LRRC51: variants seen among roughly 807,000 people sequenced by gnomAD.
The protein encoded by LRRC51 is leucine rich repeat containing 51.
In LRRC51, 8 loss-of-function variants were observed where a neutral mutation model predicts 17.8. That is an observed-to-expected ratio of 0.45 (90% CI 0.26 to 0.81). LRRC51 has a LOEUF of 0.81. LRRC51 is among the 30% of genes least tolerant of loss of function. The probability of loss-of-function intolerance (pLI) is 0.17; values close to 1 mark genes in which losing one functional copy is unlikely to be tolerated. For missense variants in LRRC51, 233 were observed against 239.3 expected (o/e 0.97, Z 0.17); for synonymous variants, 92 against 96.0 (o/e 0.96, Z 0.24).
chr11:72,089,244 T>C, intron 3 of LRRC51, 79 bp downstream of exon 3: 1 of 1,604,294 alleles, frequency 6.2e-7, no homozygotes, highest in Non-Finnish European at 8.5e-7. Flanking sequence ...CATAATCTAC[T>C]TAAAAGCCTA....
intron 3 of LRRC51, 139 bp downstream of exon 3, chr11:72,089,304 G>T: frequency 6.6e-7 from 1 of 1,520,078 alleles, no homozygotes; most frequent in East Asian, 2.4e-5. Flanking sequence ...GTCTTTTGGA[G>T]GGTAGGGGAG....
rs1020098865 is a variant in LRRC51 at position 72,093,580 on chromosome 11, T to G, written c.167T>G (p.Leu56Arg). 6.2e-7 allele frequency: 1 copy of G among 1,614,242 alleles called. No homozygotes were observed. The highest frequency in any genetic ancestry group is 8.5e-7 in the Non-Finnish European group (1 of 1,180,044). Residue 56 changes from leucine to arginine, a missense_variant, in exon 4 of 6, where the codon CTG becomes CGG. Transcript: ENST00000289488. Reference protein sequence around the residue: ...SGKSLTQSLWLNNNVLNDLRD... With the variant: ...SGKSLTQSLWRNNNVLNDLRD... Reference sequence around the variant, plus strand: ...AAATCACTGACCCAGTCCCTGTGGCTGAATAACAATGTTCTCAATGATCTG... The same window carrying G: ...AAATCACTGACCCAGTCCCTGTGGCGGAATAACAATGTTCTCAATGATCTG...
chr11:72,086,593 C>T (rs920187044), intron 1 of LRRC51: 8 of 620,832 alleles, frequency 1.3e-5, no homozygotes, highest in Non-Finnish European at 2.3e-5. Context: ...GAATAAGATG[C>T]GATACTAGCT....
intron 1 of LRRC51, among the ~76,000 whole-genome samples, chr11:72,084,092 G>A (rs757970692): frequency 1.3e-4 from 20 of 152,320 alleles, no homozygotes; most frequent in Non-Finnish European, 2.6e-4. Flanking sequence ...GAACTCCTGG[G>A]CTTGAGCCAT....
At chr11:72,088,422 T>C (rs1944665932) in intron 2 of LRRC51, 42 bp downstream of exon 2, 1 of 702,224 alleles carries the variant, frequency 1.4e-6, no homozygotes. Flanking sequence ...TGTGTATGTT[T>C]ATATGTGTAT....
chr11:72,092,047 C>T (rs1316415903), intron 3 of LRRC51, among the ~76,000 whole-genome samples: 1 of 152,234 alleles, frequency 6.6e-6, no homozygotes, highest in Non-Finnish European at 1.5e-5. Flanking sequence ...ACTCCCTGAA[C>T]ATCTTTAAAC....
Position 72,095,819 on chromosome 11 carries a change from C to A in LRRC51, c.*299C>A, listed in dbSNP as rs935003636. The A allele has an allele frequency of 3.3e-5, 16 of 480,746 alleles. No individual in the cohort carries two copies. In the East Asian group the frequency reaches 9.0e-4, roughly 27 times the overall value. 29.8% of individuals were successfully genotyped at this position (480,746 alleles called of 1,614,324 possible). A position where few individuals can be genotyped will look rare whatever the true frequency, so the allele number is the denominator to read the frequency against. On this transcript the variant is annotated 3_prime_UTR_variant, in exon 6 of 6. Transcript: ENST00000289488. ...TCCCCAGTAGCTGTGATTAAAGGCG[C>A]CTGCCACCATGACTGGCTAATTTTG... is the stretch of plus-strand genomic sequence containing the variant.
intron 4 of LRRC51, 132 bp from the exon 5 acceptor site, chr11:72,094,816 A>AT: frequency 3.9e-6 from 6 of 1,527,222 alleles, no homozygotes; most frequent in Non-Finnish European, 5.4e-6. Context: ...GTCATACAGT[A>AT]TGGCTGTGGA....
chr11:72,081,459 AAAC>A (rs1365188761), intron 1 of LRRC51, among the ~76,000 whole-genome samples: 2 of 151,990 alleles, frequency 1.3e-5, no homozygotes, highest in African/African-American at 2.4e-5. Context: ...AAACAAAACA[AAAC>A]AACGAACCCC....
chr11:72,095,139 C>A (rs772690357), intron 5 of LRRC51, 43 bp downstream of exon 5: 2 of 1,605,948 alleles, frequency 1.2e-6, no homozygotes, highest in Non-Finnish European at 8.5e-7. Flanking sequence ...CTGGGCTCCC[C>A]TAAAGGAAAG....
At chr11:72,087,113 T>TC (rs1826851498) in intron 1 of LRRC51, among the ~76,000 whole-genome samples, 1 of 152,154 alleles carries the variant, frequency 6.6e-6, no homozygotes, top group Non-Finnish European at 1.5e-5. Context: ...ATCTGTCACC[T>TC]CCCCAAAGCT....
intron 2 of LRRC51, 170 bp from the exon 3 acceptor site, chr11:72,088,859 G>A (rs577908928): frequency 2.9e-6 from 2 of 684,800 alleles, no homozygotes; most frequent in Middle Eastern, 4.3e-4. Context: ...CTGAGAAGTA[G>A]AAAGTGCTCT....
intron 1 of LRRC51, among the ~76,000 whole-genome samples, chr11:72,086,921 T>G (rs1944562903): frequency 6.6e-6 from 1 of 152,228 alleles, no homozygotes; most frequent in African/African-American, 2.4e-5. Flanking sequence ...GATGAGCTTC[T>G]ATCTAAGCTA....
At chr11:72,090,472 A>G (rs1309659565) in intron 3 of LRRC51, among the ~76,000 whole-genome samples, 2 of 152,122 alleles carry the variant, frequency 1.3e-5, no homozygotes, top group East Asian at 3.9e-4. Context: ...GCACTTACTA[A>G]AAGCATTTAT....
chr11:72,095,217 A>C, intron 5 of LRRC51, 121 bp downstream of exon 5: 1 of 1,557,582 alleles, frequency 6.4e-7, no homozygotes, highest in Non-Finnish European at 8.7e-7. Flanking sequence ...GGAGTAACAG[A>C]CCTCTAAGCA....
At chr11:72,089,494 A>G in intron 3 of LRRC51, 2 of 1,275,288 alleles carry the variant, frequency 1.6e-6, no homozygotes, top group Non-Finnish European at 2.0e-6. Flanking sequence ...AGGAAAGTCA[A>G]GTGGAAGAAA....
chr11:72,091,722 G>A (rs1944872851), intron 3 of LRRC51, among the ~76,000 whole-genome samples: 1 of 152,132 alleles, frequency 6.6e-6, no homozygotes, highest in Admixed American at 6.5e-5. Flanking sequence ...ACTTTCTGAG[G>A]ATGTTGTTTA....
At chr11:72,089,598 T>C (rs957780385) in intron 3 of LRRC51, 1 of 1,186,104 alleles carries the variant, frequency 8.4e-7, no homozygotes, top group South Asian at 1.6e-5. Flanking sequence ...TCCCAGCAAG[T>C]AGGCAAAACC....
At chr11:72,086,361 C>G (rs1174528681) in intron 1 of LRRC51, 1 of 699,944 alleles carries the variant, frequency 1.4e-6, no homozygotes, top group African/African-American at 1.8e-5. Context: ...TGGTCAGGCA[C>G]AGAGCAGCAA....
Sources: allele counts gnomAD v4.1 joint callset (sites outside exome capture counted in the v4.1 genomes callset), GRCh38; gene constraint gnomAD v4.1.1; transcripts MANE v1.5; gene names NCBI Gene and HGNC (gene_info 2026-07-23, HGNC 2026-07-21).